The following UPF2 variants were observed in gnomAD, a reference collection of about 807,000 sequenced individuals.
UPF2 encodes the protein regulator of nonsense transcripts 2.
UPF2 carries 17 observed loss-of-function variants against 141.4 expected under a neutral mutation model. The ratio of observed to expected loss-of-function variants is 0.12; its 90% confidence interval spans 0.08 to 0.18. The LOEUF is 0.18. Ranked by LOEUF, UPF2 falls within the 10% of genes least tolerant of loss-of-function variation. The pLI, the probability that UPF2 is intolerant of heterozygous loss-of-function variation, is 1.00. For missense variants in UPF2, 1,152 were observed against 1,515.9 expected, an observed-to-expected ratio of 0.76 and a Z score of 3.99; for synonymous variants, 540 against 498.0, an observed-to-expected ratio of 1.08 and a Z score of -1.12.
chr10:12,015,476 C>A (rs760431943), intron 3 of UPF2, among the ~76,000 whole-genome samples: 1 of 152,142 alleles, frequency 6.6e-6, no homozygotes, highest in African/African-American at 2.4e-5. Flanking sequence ...ACGAGGCAGG[C>A]GGATCACCTG....
At chr10:12,009,919 G>A (rs1056923539) in intron 4 of UPF2, among the ~76,000 whole-genome samples, 1 of 152,156 alleles carries the variant, frequency 6.6e-6, no homozygotes, top group Non-Finnish European at 1.5e-5. Context: ...AGGAAACTAG[G>A]TGAGACTGGG....
In UPF2 at chr10:11,962,970, A is replaced by AT. The variant is rs971056583; in HGVS notation, c.2184+1038dup. ...AGGCTTATACATTAAATCATAATGT[A>AT]TTTTTTTTTAATTTCCCATAATGTA... On this transcript the variant is annotated intron_variant, in intron 11 of 21. Transcript: ENST00000357604. Among the ~76,000 whole-genome samples, 4 of 151,592 alleles carry AT rather than the reference A, an allele frequency of 2.6e-5. No homozygotes were observed. In the East Asian group the frequency reaches 5.8e-4, roughly 22 times the overall value.
chr10:11,952,380 T>C, intron 14 of UPF2, 131 bp from the exon 15 acceptor site: 1 of 746,030 alleles, frequency 1.3e-6, no homozygotes, highest in Non-Finnish European at 2.1e-6. Flanking sequence ...ACTTACCATT[T>C]CTATTAATGG....
chr10:11,984,165 G>A (rs531915496), intron 8 of UPF2, among the ~76,000 whole-genome samples: 3 of 151,570 alleles, frequency 2.0e-5, no homozygotes, highest in South Asian at 2.1e-4. Context: ...CAGGTGACCC[G>A]CCGCCTTTGC....
intron 19 of UPF2, among the ~76,000 whole-genome samples, chr10:11,933,890 A>C (rs1431900082): frequency 6.6e-6 from 1 of 152,238 alleles, no homozygotes; most frequent in African/African-American, 2.4e-5. Flanking sequence ...TTAGTTAACA[A>C]AAATCATGGC....
At position 11,956,308 on chromosome 10, in the gene UPF2, A is replaced by G. The variant is rs1833149192; in HGVS notation, c.2574+12T>C. On this transcript the variant is annotated intron_variant, in intron 13 of 21. Coordinates refer to ENST00000357604, the MANE Select transcript of UPF2 (RefSeq NM_015542.4). The surrounding 1 kb of genome is among the most constrained non-coding windows in gnomAD (Gnocchi z 4.2). ...ATTCCAGTTGTGTGACATTAAAGGA[A>G]GTCTTGTTTACCTCCATTCCTAATC... 6.2e-7 allele frequency: 1 copy of G among 1,612,386 alleles called. No individual in the cohort carries two copies. The highest frequency in any genetic ancestry group is 8.5e-7 in the Non-Finnish European group (1 of 1,178,562).
chr10:11,956,569 T>C lies in UPF2; in HGVS notation c.2371-46A>G. The C allele has an allele frequency of 6.4e-7, 1 of 1,554,038 alleles. No homozygotes were observed. Among genetic ancestry groups the C allele is most frequent in the Non-Finnish European group, 8.7e-7 (1 of 1,142,956 alleles). ...TCAAATTATTAAGATAAGTACACAG[T>C]AGCCTGACCAAATAATACAGAAATT... On this transcript the variant is annotated intron_variant, in intron 12 of 21. Transcript: ENST00000357604. The surrounding 1 kb of genome is among the most constrained non-coding windows in gnomAD (Gnocchi z 4.2).
Position 11,956,265 on chromosome 10 carries a change from A to G in UPF2, c.2574+55T>C. ...CTTGAGTCTCAATAGTAACCTAGAA[A>G]TAATAAATTCTCCACGAATTCCAGT... On this transcript the variant is annotated intron_variant, in intron 13 of 21. Transcript: ENST00000357604. The surrounding 1 kb of genome is among the most constrained non-coding windows in gnomAD (Gnocchi z 4.2). 2 of 1,531,934 alleles carry G rather than the reference A, an allele frequency of 1.3e-6. No homozygotes were observed. Among genetic ancestry groups the G allele is most frequent in the Non-Finnish European group, 1.8e-6 (2 of 1,106,844 alleles). 94.9% of individuals were successfully genotyped at this position (1,531,934 alleles called of 1,614,324 possible).
rs149912916 is a variant in UPF2, at chr10:11,981,009, G to A, written c.1845-1844C>T. Among the ~76,000 whole-genome samples, 236 of 152,138 alleles carry A rather than the reference G, an allele frequency of 1.6e-3. 1 individual carries two copies. The highest frequency in any genetic ancestry group is 5.2e-3 in the African/African-American group (218 of 41,528). On this transcript the variant is annotated intron_variant, in intron 8 of 21. Transcript: ENST00000357604. ...TCAAGACCAGCCTGGCCAACATGGT[G>A]AAACCCCCATCTCTACTAAAAATAC...
At chr10:11,977,180 A>G (rs1468553254) in intron 9 of UPF2, among the ~76,000 whole-genome samples, 1 of 152,180 alleles carries the variant, frequency 6.6e-6, no homozygotes, top group Non-Finnish European at 1.5e-5. Flanking sequence ...ACACTTCAAT[A>G]AGAAGGAAAT....
At chr10:12,038,893 G>C (rs935741729) in intron 1 of UPF2, among the ~76,000 whole-genome samples, 1 of 152,020 alleles carries the variant, frequency 6.6e-6, no homozygotes, top group Non-Finnish European at 1.5e-5. Flanking sequence ...ACACTCCCGG[G>C]CTCAAGGGAT....
Position 11,939,815 on chromosome 10 carries a change from C to A in UPF2, c.3378+2850G>T, listed in dbSNP as rs1832915073. ...TACAGGTGTGAGCCACAGTGCCCAGCCATGTTTTCATATCTTGTAGAGCAT... is the reference window on the plus strand; with the variant it reads ...TACAGGTGTGAGCCACAGTGCCCAGACATGTTTTCATATCTTGTAGAGCAT... On this transcript the variant is annotated intron_variant, in intron 18 of 21. Transcript: ENST00000357604. This position sits in a 1 kb window ranked among gnomAD's most constrained non-coding sequence, Gnocchi z 4.8. Among the ~76,000 whole-genome samples the A allele has an allele frequency of 6.6e-6, 1 of 152,124 alleles. No homozygotes were observed. Among genetic ancestry groups the A allele is most frequent in the Admixed American group, 6.5e-5 (1 of 15,268 alleles).
intron 4 of UPF2, among the ~76,000 whole-genome samples, chr10:12,010,918 G>C (rs952207588): frequency 6.6e-6 from 1 of 152,068 alleles, no homozygotes; most frequent in African/African-American, 2.4e-5. Context: ...CTAGAAGACA[G>C]AGGAGTAACA....
chr10:12,000,828 C>G (rs1283288362), intron 6 of UPF2, among the ~76,000 whole-genome samples: 1 of 151,688 alleles, frequency 6.6e-6, no homozygotes, highest in African/African-American at 2.4e-5. Context: ...ATAAAGGAAT[C>G]CTAGCTAATC....
chr10:11,995,900 C>T (rs902495539), intron 8 of UPF2, among the ~76,000 whole-genome samples: 2 of 152,164 alleles, frequency 1.3e-5, no homozygotes, highest in Non-Finnish European at 2.9e-5. Flanking sequence ...CCCACCCATC[C>T]CTTAACTAGT....
chr10:11,932,911 C>G (rs1467229763), intron 19 of UPF2, among the ~76,000 whole-genome samples: 1 of 152,120 alleles, frequency 6.6e-6, no homozygotes, highest in Non-Finnish European at 1.5e-5. Flanking sequence ...AATGGTTTGT[C>G]TGCCAGTATT....
intron 21 of UPF2, among the ~76,000 whole-genome samples, chr10:11,928,147 C>T (rs970384340): frequency 3.3e-5 from 5 of 152,110 alleles, no homozygotes; most frequent in Admixed American, 1.3e-4. Flanking sequence ...ACCAGCCTGG[C>T]CAACATGGTG....
chr10:12,001,027 A>G (rs372271507), intron 6 of UPF2, among the ~76,000 whole-genome samples: 173 of 152,356 alleles, frequency 1.1e-3, no homozygotes, highest in African/African-American at 3.9e-3. Context: ...ATTATGTCAT[A>G]GAATTAAATC....
At position 12,001,816 on chromosome 10, in the gene UPF2, T is replaced by G; in HGVS notation, c.1514A>C (p.Glu505Ala). ...SNKDDTKEAK[E>A]SKENKEVSSP... ...TGATACCTCCTTATTCTCCTTAGAT[T>G]CTTTTGCCTCTGTTGAAAAACAAAC... is the stretch of plus-strand genomic sequence containing the variant. The change falls in exon 6 of 22, where the codon GAA becomes GCA. Residue 505 changes from glutamate (E) to alanine (A), a missense_variant. Physicochemically the swap from Glu to Ala is moderately radical, Grantham distance 107. Coordinates refer to ENST00000357604, the MANE Select transcript of UPF2 (RefSeq NM_015542.4). The G allele has an allele frequency of 6.3e-7, 1 of 1,589,744 alleles. No homozygotes were observed. Among genetic ancestry groups the G allele is most frequent in the East Asian group, 2.3e-5 (1 of 44,128 alleles).
Sources: gnomAD v4.1 joint callset for allele counts (sites outside exome capture counted in the v4.1 genomes callset) on GRCh38, gnomAD v4.1.1 for gene constraint, Gnocchi (gnomAD v3.1) non-coding constraint, MANE v1.5 for transcripts, NCBI Gene and HGNC (gene_info 2026-07-23, HGNC 2026-07-21) for gene names.